The following RIMS1 variants were observed in gnomAD, a reference collection of about 807,000 sequenced individuals.
The protein encoded by RIMS1 is regulating synaptic membrane exocytosis 1, also known as regulating synaptic membrane exocytosis protein 1.
RIMS1 carries 83 observed loss-of-function variants against 214.1 expected under a neutral mutation model. The observed-to-expected ratio is 0.39, with a 90% CI of 0.32 to 0.47. The LOEUF (loss-of-function observed/expected upper bound fraction) is 0.47, where lower values mean the gene tolerates loss of function less well. Ranked by LOEUF, RIMS1 falls within the 20% of genes least tolerant of loss-of-function variation. The pLI is 0.99. For missense variants in RIMS1, 2,050 were observed against 2,161.8 expected (o/e 0.95, Z 1.03); for synonymous variants, 793 against 786.8 (o/e 1.01, Z -0.13).
At chr6:72,026,942 A>T (rs1816696972) in intron 2 of RIMS1, among the ~76,000 whole-genome samples, 1 of 152,220 alleles carries the variant, frequency 6.6e-6, no homozygotes, top group Non-Finnish European at 1.5e-5. Flanking sequence ...TTTGGAATGT[A>T]TAGAAAATCA....
intron 4 of RIMS1, among the ~76,000 whole-genome samples, chr6:72,118,324 T>C (rs906922200): frequency 6.6e-6 from 1 of 151,174 alleles, no homozygotes; most frequent in Admixed American, 6.6e-5. Context: ...TTTTTATTTT[T>C]CAGTAATTAA....
At chr6:72,178,662 A>T (rs1246149864) in intron 4 of RIMS1, among the ~76,000 whole-genome samples, 2 of 152,224 alleles carry the variant, frequency 1.3e-5, no homozygotes, top group Non-Finnish European at 2.9e-5. Flanking sequence ...GGTACTGAGG[A>T]TATTTGAAAA....
intron 6 of RIMS1, among the ~76,000 whole-genome samples, chr6:72,232,359 AAAG>A (rs1394715629): frequency 1.3e-5 from 2 of 151,794 alleles, no homozygotes; most frequent in African/African-American, 4.8e-5. Flanking sequence ...TCATAATACT[AAAG>A]AGAGAGCTAC....
intron 4 of RIMS1, among the ~76,000 whole-genome samples, chr6:72,105,081 TG>T (rs71558907): frequency 0.026 from 3,902 of 152,108 alleles, 68 homozygotes; most frequent in Middle Eastern, 0.068. Flanking sequence ...CAGGTGTGTC[TG>T]GCTAATTAAA....
chr6:72,016,535 C>A (rs1341990084), intron 2 of RIMS1, among the ~76,000 whole-genome samples: 4 of 152,116 alleles, frequency 2.6e-5, no homozygotes, highest in Middle Eastern at 3.2e-3. Context: ...ACTGTTCTTT[C>A]CATCTTATTC....
chr6:72,099,891 C>T, intron 3 of RIMS1, 84 bp from the exon 4 acceptor site: 1 of 1,092,920 alleles, frequency 9.1e-7, no homozygotes, highest in Admixed American at 1.9e-5. Flanking sequence ...TTCTTAAAAC[C>T]AATTTATTAA....
intron 2 of RIMS1, among the ~76,000 whole-genome samples, chr6:72,009,218 A>G (rs889743609): frequency 1.1e-4 from 16 of 152,234 alleles, no homozygotes; most frequent in African/African-American, 3.9e-4. Context: ...CTGCTCCTGA[A>G]TGACTACTGG....
At position 72,292,036 on chromosome 6, in the gene RIMS1, T is replaced by C. The variant is rs753199742; in HGVS notation, c.3840T>C (p.Ser1280=). The C allele has an allele frequency of 5.1e-6, 8 of 1,553,774 alleles. No homozygotes were observed. In the South Asian group the frequency reaches 9.5e-5, roughly 18 times the overall value. The part of the protein sequence containing the change: ...QLPQVPVRSG[S]IEQASLVVEE... Reference sequence around the variant, plus strand: ...CACAAGTGCCAGTGAGAAGCGGCAGTATAGAACAAGGTATCCGATAAAGAG... The same window carrying C: ...CACAAGTGCCAGTGAGAAGCGGCAGCATAGAACAAGGTATCCGATAAAGAG... The change falls in exon 26 of 34, where the codon AGT becomes AGC. Residue 1280 remains serine (S), a synonymous_variant. Coordinates refer to ENST00000521978, the MANE Select transcript of RIMS1 (RefSeq NM_014989.7).
At chr6:72,397,615 C>A (rs964278598) in intron 31 of RIMS1, among the ~76,000 whole-genome samples, 3 of 152,074 alleles carry the variant, frequency 2.0e-5, no homozygotes, top group Non-Finnish European at 4.4e-5. Flanking sequence ...TACAAGAATG[C>A]GTACAAGAAT....
At chr6:72,226,654 T>C (rs1357777735) in intron 6 of RIMS1, among the ~76,000 whole-genome samples, 1 of 152,066 alleles carries the variant, frequency 6.6e-6, no homozygotes, top group Non-Finnish European at 1.5e-5. Flanking sequence ...ATTTTTAAGG[T>C]ATAATACAAG....
intron 29 of RIMS1, among the ~76,000 whole-genome samples, chr6:72,386,985 C>T (rs776421918): frequency 1.4e-4 from 22 of 152,062 alleles, no homozygotes; most frequent in Non-Finnish European, 2.1e-4. Context: ...CCACCCGCCT[C>T]GGCCTCCCAA....
intron 13 of RIMS1, 136 bp downstream of exon 13, chr6:72,250,596 G>A (rs566140322): frequency 3.2e-6 from 2 of 632,464 alleles, no homozygotes; most frequent in Non-Finnish European, 2.5e-6. Flanking sequence ...TCTGAAAAAA[G>A]AAGTCCCTCA....
intron 2 of RIMS1, among the ~76,000 whole-genome samples, chr6:72,002,248 C>G (rs1402356111): frequency 2.0e-5 from 3 of 151,916 alleles, no homozygotes; most frequent in South Asian, 2.1e-4. Flanking sequence ...GTTGCTTGAA[C>G]TCTGTCCTGG....
intron 17 of RIMS1, among the ~76,000 whole-genome samples, chr6:72,258,739 G>T (rs907445543): frequency 3.3e-5 from 5 of 152,076 alleles, no homozygotes; most frequent in African/African-American, 1.2e-4. Flanking sequence ...TCCTGAAATT[G>T]TAATTAATTA....
At chr6:72,270,083 CA>C (rs2154184085) in intron 22 of RIMS1, among the ~76,000 whole-genome samples, 1 of 152,052 alleles carries the variant, frequency 6.6e-6, no homozygotes, top group South Asian at 2.1e-4. Context: ...TTGTGTCTTC[CA>C]CTATATTGTG....
chr6:72,231,786 T>G (rs949966639), intron 6 of RIMS1, among the ~76,000 whole-genome samples: 1 of 151,696 alleles, frequency 6.6e-6, no homozygotes, highest in African/African-American at 2.4e-5. Context: ...GTCCTTTGCC[T>G]ATAAGAACAG....
intron 25 of RIMS1, 103 bp downstream of exon 25, chr6:72,290,964 A>G (rs2093303474): frequency 1.1e-5 from 11 of 968,538 alleles, no homozygotes; most frequent in Admixed American, 2.5e-5. Flanking sequence ...TTTTGACACC[A>G]TAACTTTTAA....
intron 4 of RIMS1, among the ~76,000 whole-genome samples, chr6:72,144,339 G>T (rs995244415): frequency 6.6e-6 from 1 of 152,202 alleles, no homozygotes; most frequent in Non-Finnish European, 1.5e-5. Context: ...AACTTCTTGA[G>T]TAGAGCAGGA....
chr6:72,006,045 T>G (rs1024907216), intron 2 of RIMS1, among the ~76,000 whole-genome samples: 1 of 152,114 alleles, frequency 6.6e-6, no homozygotes, highest in African/African-American at 2.4e-5. Context: ...GTTCTGGAAG[T>G]GGGGGCTTGC....
Sources: gnomAD v4.1 joint callset for allele counts (sites outside exome capture counted in the v4.1 genomes callset) on GRCh38, gnomAD v4.1.1 for gene constraint, MANE v1.5 for transcripts, NCBI Gene and HGNC (gene_info 2026-07-23, HGNC 2026-07-21) for gene names.